IRAK2: variants seen among roughly 807,000 people sequenced by gnomAD.
The protein encoded by IRAK2 is interleukin 1 receptor associated kinase 2, also known as interleukin-1 receptor-associated kinase-like 2.
Under a neutral mutation model 72.0 loss-of-function variants are expected in IRAK2, and 57 were observed. The observed-to-expected ratio is 0.79, with a 90% CI of 0.64 to 0.99. IRAK2 has a LOEUF of 0.99. Among genes scored for constraint, IRAK2 ranks in the 50% least tolerant of loss-of-function variants. The pLI is 0.00. For synonymous variants in IRAK2, 293 were observed against 312.7 expected, an observed-to-expected ratio of 0.94 and a Z score of 0.67; for missense variants, 790 against 794.4, an observed-to-expected ratio of 0.99 and a Z score of 0.07.
At chr3:10,165,776 G>C (rs1367519863) in intron 1 of IRAK2, among the ~76,000 whole-genome samples, 2 of 139,460 alleles carry the variant, frequency 1.4e-5, no homozygotes, top group African/African-American at 2.7e-5. Flanking sequence ...TGTCGCCCAG[G>C]CTGGAGTGCA....
At chr3:10,236,314 C>T (rs1044608242) in intron 11 of IRAK2, among the ~76,000 whole-genome samples, 2 of 139,502 alleles carry the variant, frequency 1.4e-5, no homozygotes, top group African/African-American at 5.3e-5. Context: ...TTTGTAGGCA[C>T]AGTAAGGATT....
At chr3:10,234,137 C>T (rs1697910537) in intron 10 of IRAK2, among the ~76,000 whole-genome samples, 1 of 152,172 alleles carries the variant, frequency 6.6e-6, no homozygotes, top group Non-Finnish European at 1.5e-5. Context: ...GCTAAGATTA[C>T]AGGCTTGAGC....
At chr3:10,205,114 C>T (rs935268728) in intron 3 of IRAK2, among the ~76,000 whole-genome samples, 22 of 152,204 alleles carry the variant, frequency 1.4e-4, no homozygotes, top group African/African-American at 5.3e-4. Context: ...TGGCCAACTT[C>T]TGATTAGTTT....
At chr3:10,176,077 T>TG (rs1333542999) in intron 1 of IRAK2, among the ~76,000 whole-genome samples, 2 of 148,920 alleles carry the variant, frequency 1.3e-5, no homozygotes, top group Admixed American at 6.7e-5. Context: ...TTTTTTTTTT[T>TG]TTTTTTTTTT....
intron 10 of IRAK2, among the ~76,000 whole-genome samples, chr3:10,233,592 TTTC>T (rs1697902079): frequency 2.6e-5 from 4 of 152,306 alleles, no homozygotes; most frequent in African/African-American, 9.6e-5. Flanking sequence ...GACATAATAT[TTTC>T]TTTATAGTGG....
chr3:10,238,652 C>A, intron 11 of IRAK2, 96 bp from the exon 12 acceptor site: 1 of 1,199,674 alleles, frequency 8.3e-7, no homozygotes, highest in Non-Finnish European at 1.2e-6. Flanking sequence ...GTTCTTCAGT[C>A]TGCTCCCCGC....
intron 2 of IRAK2, among the ~76,000 whole-genome samples, chr3:10,198,927 C>A (rs1697312939): frequency 6.6e-6 from 1 of 152,066 alleles, no homozygotes; most frequent in African/African-American, 2.4e-5. Flanking sequence ...ATGAGTCTAT[C>A]CCAAACCACC....
intron 10 of IRAK2, among the ~76,000 whole-genome samples, chr3:10,230,782 T>G (rs1273279165): frequency 2.0e-5 from 3 of 152,090 alleles, no homozygotes; most frequent in Admixed American, 2.0e-4. Flanking sequence ...AGACAGAGTC[T>G]TGCTCTGTCG....
chr3:10,194,207 G>A (rs990163683), intron 2 of IRAK2, among the ~76,000 whole-genome samples: 4 of 152,158 alleles, frequency 2.6e-5, no homozygotes, highest in Non-Finnish European at 2.9e-5. Flanking sequence ...GTGCCTGGGC[G>A]TGAAGCTGGA....
chr3:10,175,920 A>G (rs1384514175), intron 1 of IRAK2, among the ~76,000 whole-genome samples: 1 of 149,120 alleles, frequency 6.7e-6, no homozygotes, highest in Non-Finnish European at 1.5e-5. Context: ...AAAAGAAAAG[A>G]TACAAAATCT....
Position 10,177,932 on chromosome 3 carries a change from G to A in IRAK2, c.189G>A (p.Trp63Ter), listed in dbSNP as rs1417360088. Reference sequence around the variant, plus strand: ...GCATCACGCGGGAGCTGCTGTGGTGGTGGGGCATGCGGCAGGCCACCGTCC... The same window carrying A: ...GCATCACGCGGGAGCTGCTGTGGTGATGGGGCATGCGGCAGGCCACCGTCC... ...GVSITRELLW[W>*]WGMRQATVQQ... The change falls in exon 2 of 13, where the codon TGG becomes TGA. Residue 63 changes from tryptophan (W) to a stop codon, truncating the protein, a stop_gained. Transcript: ENST00000256458. LOFTEE classifies it high-confidence loss of function. 4.3e-6 allele frequency: 7 copies of A among 1,613,786 alleles called. No individual in the cohort carries two copies. Among genetic ancestry groups the A allele is most frequent in the African/African-American group, 1.3e-5 (1 of 74,912 alleles).
chr3:10,174,638 C>T (rs577396672), intron 1 of IRAK2, among the ~76,000 whole-genome samples: 1 of 152,142 alleles, frequency 6.6e-6, no homozygotes, highest in Admixed American at 6.6e-5. Context: ...GATTCTCCTG[C>T]CTCAGCCTTC....
At chr3:10,173,078 G>A (rs1484988347) in intron 1 of IRAK2, among the ~76,000 whole-genome samples, 1 of 151,990 alleles carries the variant, frequency 6.6e-6, no homozygotes, top group African/African-American at 2.4e-5. Context: ...TGTTCTGAGT[G>A]CTTCTGTACA....
rs201411862 is a variant in IRAK2 at position 10,238,710 on chromosome 3, A to T, written c.1474-38A>T. ...ATGTTAGCATTTCTATTTCAGAGAG[A>T]ATTCCTGATGAGCTCCCTTCTCTCT... On this transcript the variant is annotated intron_variant, in intron 11 of 12. Coordinates refer to ENST00000256458, the MANE Select transcript of IRAK2 (RefSeq NM_001570.4). The T allele has an allele frequency of 9.2e-5, 147 of 1,590,636 alleles. No homozygotes were observed. The East Asian group carries it at 3.2e-3, about 34-fold the overall frequency.
At chr3:10,225,829 C>T (rs1697766476) in intron 9 of IRAK2, among the ~76,000 whole-genome samples, 1 of 151,816 alleles carries the variant, frequency 6.6e-6, no homozygotes, top group Admixed American at 6.6e-5. Context: ...CTCCCAAGCA[C>T]CTGGGACTAC....
intron 2 of IRAK2, among the ~76,000 whole-genome samples, chr3:10,187,863 G>T (rs779936936): frequency 6.6e-6 from 1 of 152,172 alleles, no homozygotes; most frequent in East Asian, 1.9e-4. Flanking sequence ...AACCTAGGGG[G>T]TCAGAGGCAG....
chr3:10,239,386 C>A lies in IRAK2; in HGVS notation c.1765+347C>A, dbSNP rs556206610. On this transcript the variant is annotated intron_variant, in intron 12 of 12. Coordinates refer to ENST00000256458, the MANE Select transcript of IRAK2 (RefSeq NM_001570.4). ...CTGGCCCCTCCCTCACTAGGTCCTT[C>A]TCCAGGAGCCAGCCAGAGTAGCTTT... Among the ~76,000 whole-genome samples the A allele has an allele frequency of 6.6e-5, 10 of 152,322 alleles. No homozygotes were observed. In the South Asian group the frequency reaches 1.2e-3, roughly 19 times the overall value.
At chr3:10,198,425 G>T (rs1697306127) in intron 2 of IRAK2, among the ~76,000 whole-genome samples, 1 of 152,206 alleles carries the variant, frequency 6.6e-6, no homozygotes, top group Non-Finnish European at 1.5e-5. Context: ...GGGAATTGGG[G>T]CTGGTGGTGG....
In IRAK2 at chr3:10,213,230, G is replaced by A. The variant is rs759853826; in HGVS notation, c.552G>A (p.Lys184=). ...DSKDFSTSIP[K]QEKLLSLAGD... is the part of the protein sequence containing the mutation. ...AGGACTTCAGCACCTCCATTCCTAA[G>A]CAGGAAAAACTTTTGAGCTTGGCTG... Residue 184 remains lysine (K), a synonymous_variant, in exon 5 of 13, where the codon AAG becomes AAA. Coordinates refer to ENST00000256458, the MANE Select transcript of IRAK2 (RefSeq NM_001570.4). 36 of 1,614,000 alleles carry A rather than the reference G, an allele frequency of 2.2e-5. No homozygotes were observed. The East Asian group carries it at 7.4e-4, about 33-fold the overall frequency.
Sources: gnomAD v4.1 joint callset for allele counts (sites outside exome capture counted in the v4.1 genomes callset) on GRCh38, gnomAD v4.1.1 for gene constraint, MANE v1.5 for transcripts, NCBI Gene and HGNC (gene_info 2026-07-23, HGNC 2026-07-21) for gene names.